Variants in ITGA11 observed in about 807,000 individuals in gnomAD.
ITGA11 encodes the protein integrin subunit alpha 11, also known as integrin alpha-11.
Under a neutral mutation model 141.9 loss-of-function variants are expected in ITGA11, and 97 were observed. The ratio of observed to expected loss-of-function variants is 0.68; its 90% CI spans 0.58 to 0.81. The LOEUF (loss-of-function observed/expected upper bound fraction) is 0.81, where lower values mean the gene tolerates loss of function less well. ITGA11 is among the 30% of genes least tolerant of loss of function. The pLI, the probability that ITGA11 is intolerant of heterozygous loss-of-function variation, is 0.00. For synonymous variants in ITGA11, 658 were observed against 624.6 expected, an observed-to-expected ratio of 1.05 and a Z score of -0.80; for missense variants, 1,387 against 1,559.2, an observed-to-expected ratio of 0.89 and a Z score of 1.86.
intron 2 of ITGA11, among the ~76,000 whole-genome samples, chr15:68,373,717 T>C (rs1256237429): frequency 6.6e-6 from 1 of 152,210 alleles, no homozygotes; most frequent in Non-Finnish European, 1.5e-5. Context: ...GACTTGTGCT[T>C]GGGATGCAGG....
At chr15:68,338,056 G>A (rs1200275859) in intron 11 of ITGA11, among the ~76,000 whole-genome samples, 1 of 152,190 alleles carries the variant, frequency 6.6e-6, no homozygotes, top group Non-Finnish European at 1.5e-5. Context: ...ATGGGCCCTG[G>A]GACACCCTGA....
At chr15:68,376,019 C>T (rs1895718341) in intron 2 of ITGA11, among the ~76,000 whole-genome samples, 1 of 152,154 alleles carries the variant, frequency 6.6e-6, no homozygotes, top group African/African-American at 2.4e-5. Context: ...GAGGCTGAAA[C>T]TGGGGGTGGG....
intron 26 of ITGA11, 139 bp downstream of exon 26, chr15:68,310,855 G>A (rs1321033820): frequency 1.6e-6 from 1 of 640,992 alleles, no homozygotes; most frequent in Admixed American, 2.7e-5. Flanking sequence ...TTTTTTTCTT[G>A]GTTTGGGGCT....
At chr15:68,400,509 A>T (rs1038721007) in intron 2 of ITGA11, among the ~76,000 whole-genome samples, 1 of 133,538 alleles carries the variant, frequency 7.5e-6, no homozygotes, top group African/African-American at 2.8e-5. Flanking sequence ...AGATATTTGC[A>T]ATGCTTCTAT....
chr15:68,312,621 G>C (rs192598095), intron 24 of ITGA11, among the ~76,000 whole-genome samples, 152 bp downstream of exon 24: 80 of 152,348 alleles, frequency 5.3e-4, no homozygotes, highest in African/African-American at 1.9e-3. Context: ...GCCCAGAGAG[G>C]AGAAGTGACT....
At chr15:68,336,700 A>G (rs1412125152) in intron 11 of ITGA11, among the ~76,000 whole-genome samples, 1 of 152,156 alleles carries the variant, frequency 6.6e-6, no homozygotes, top group Non-Finnish European at 1.5e-5. Context: ...CAGATTTTAG[A>G]TGAGTGTTGG....
rs1279936606 is a variant in ITGA11, at chr15:68,348,882, G to T, written c.1079C>A (p.Thr360Asn). The T allele has an allele frequency of 1.2e-6, 2 of 1,608,184 alleles. No individual in the cohort carries two copies. Among genetic ancestry groups the T allele is most frequent in the Non-Finnish European group, 1.7e-6 (2 of 1,177,334 alleles). ...CTGTGACATCTCCAGCCCAAAGGAG[G>T]TCTCGTTCTTGTTGGTGCCTGCAAC... ...FSLEGTNKNE[T>N]SFGLEMSQTG... Residue 360 changes from threonine to asparagine, a missense_variant, in exon 10 of 30, where the codon ACC becomes AAC. Thr to Asn is a moderately conservative substitution (Grantham distance 65). Transcript: ENST00000315757.
chr15:68,410,981 C>T (rs1385372544), intron 1 of ITGA11, among the ~76,000 whole-genome samples: 1 of 152,186 alleles, frequency 6.6e-6, no homozygotes, highest in East Asian at 1.9e-4. Flanking sequence ...TGGGAAGCCC[C>T]CAGGCTGGTG....
Position 68,354,854 on chromosome 15 carries a change from A to T in ITGA11, c.749+2297T>A, listed in dbSNP as rs548656795. On this transcript the variant is annotated intron_variant, in intron 7 of 29. Transcript: ENST00000315757. ...TCATGGCCTGGATCTTTGCCCTTTC[A>T]TAGGTGCATAGGAAAAAACATGCAT... Among the ~76,000 whole-genome samples the T allele has an allele frequency of 2.6e-5, 4 of 152,314 alleles. No individual in the cohort carries two copies. In the South Asian group the frequency reaches 8.3e-4, roughly 32 times the overall value.
rs559290631 is a variant in ITGA11 at position 68,299,134 on chromosome 15, A to G, written c.*3925T>C. Reference sequence around the variant, plus strand: ...ACTTTCTGCTTGTACTCTACTTTGGACCTGGTAAGTTTGCTAGGTACGGCT... The same window carrying G: ...ACTTTCTGCTTGTACTCTACTTTGGGCCTGGTAAGTTTGCTAGGTACGGCT... On this transcript the variant is annotated 3_prime_UTR_variant, in exon 30 of 30. Transcript: ENST00000315757. The G allele has an allele frequency of 6.6e-6, 1 of 152,276 alleles. No individual in the cohort carries two copies. The highest frequency in any genetic ancestry group is 2.4e-5 in the African/African-American group (1 of 41,536). 9.4% of individuals were successfully genotyped at this position (152,276 alleles called of 1,614,324 possible).
intron 5 of ITGA11, among the ~76,000 whole-genome samples, chr15:68,359,070 G>A (rs920717764): frequency 2.6e-5 from 4 of 152,078 alleles, no homozygotes; most frequent in Admixed American, 1.3e-4. Flanking sequence ...TGTGACCTAG[G>A]GTCAGTCACA....
Position 68,376,065 on chromosome 15 carries a change from A to G in ITGA11, c.165-6781T>C, listed in dbSNP as rs143407540. Among the ~76,000 whole-genome samples, 28 of 152,208 alleles carry G rather than the reference A, an allele frequency of 1.8e-4. No homozygotes were observed. The East Asian group carries it at 5.4e-3, about 29-fold the overall frequency. On this transcript the variant is annotated intron_variant, in intron 2 of 29. Coordinates refer to ENST00000315757, the MANE Select transcript of ITGA11 (RefSeq NM_001004439.2). Reference sequence around the variant, plus strand: ...TGTGTTTTCACAAGCCCTCTAGGAGACACTGATGCATGCTTAAGTTTGAGA... The same window carrying G: ...TGTGTTTTCACAAGCCCTCTAGGAGGCACTGATGCATGCTTAAGTTTGAGA...
intron 3 of ITGA11, among the ~76,000 whole-genome samples, chr15:68,365,816 A>G (rs368441827): frequency 9.9e-5 from 15 of 151,594 alleles, no homozygotes; most frequent in African/African-American, 3.6e-4. Context: ...GCTCACTGCA[A>G]TCTCCAACTC....
At chr15:68,368,419 G>A (rs1895492497) in intron 3 of ITGA11, among the ~76,000 whole-genome samples, 1 of 152,262 alleles carries the variant, frequency 6.6e-6, no homozygotes, top group Non-Finnish European at 1.5e-5. Flanking sequence ...GTGGACTGGT[G>A]TGTGTGCTTA....
chr15:68,312,857 G>A lies in ITGA11; in HGVS notation c.2889C>T (p.Ser963=), dbSNP rs1271565179. The change falls in exon 24 of 30, where the codon AGC becomes AGT. Residue 963 remains serine, a synonymous_variant. Transcript: ENST00000315757. ...GCTTGACCTCGTAGTGGCTCAGGCT[G>A]CTGCTCCTGCGGAGACAGAGGACAG... is the stretch of plus-strand genomic sequence containing the variant. The part of the protein sequence containing the change: ...YEADVLFTRS[S]SLSHYEVKPN... The A allele has an allele frequency of 7.4e-6, 12 of 1,612,248 alleles. No individual in the cohort carries two copies. Among genetic ancestry groups the A allele is most frequent in the Admixed American group, 3.3e-5 (2 of 60,026 alleles).
rs944089583 is a variant in ITGA11 at position 68,324,156 on chromosome 15, G to T, written c.2322+975C>A. On this transcript the variant is annotated intron_variant, in intron 18 of 29. Coordinates refer to ENST00000315757, the MANE Select transcript of ITGA11 (RefSeq NM_001004439.2). The surrounding 1 kb of genome is among the most constrained non-coding windows in gnomAD (Gnocchi z 6.3). ...GGAGAAAGAGGGGAGGTGTGAGGAC[G>T]GAGGTTTGGCAGGGGACTGTGGGAG... 2.6e-5 allele frequency among the ~76,000 whole-genome samples: 4 copies of T among 152,194 alleles called. 1 individual carries two copies. Among genetic ancestry groups the T allele is most frequent in the Middle Eastern group, 6.8e-3 (2 of 294 alleles).
At chr15:68,315,118 T>A (rs1893529108) in intron 22 of ITGA11, among the ~76,000 whole-genome samples, 1 of 151,876 alleles carries the variant, frequency 6.6e-6, no homozygotes, top group African/African-American at 2.4e-5. Context: ...CTCTTAAAAA[T>A]AGAAAAAGGG....
intron 5 of ITGA11, among the ~76,000 whole-genome samples, chr15:68,360,652 G>A (rs903376689): frequency 2.6e-5 from 4 of 152,186 alleles, no homozygotes; most frequent in Non-Finnish European, 5.9e-5. Context: ...GTCACATCTA[G>A]GCCTGGAGGG....
intron 2 of ITGA11, among the ~76,000 whole-genome samples, chr15:68,395,731 G>A (rs908371784): frequency 2.7e-5 from 2 of 73,462 alleles, no homozygotes; most frequent in African/African-American, 1.2e-4. Context: ...GTTGGGGGGT[G>A]GGGGGCTGGG....
Sources: gnomAD v4.1 joint callset for allele counts (sites outside exome capture counted in the v4.1 genomes callset) on GRCh38, gnomAD v4.1.1 for gene constraint, Gnocchi (gnomAD v3.1) non-coding constraint, MANE v1.5 for transcripts, NCBI Gene and HGNC (gene_info 2026-07-23, HGNC 2026-07-21) for gene names.